The following KLF8 variants were observed in gnomAD, a reference collection of about 807,000 sequenced individuals.
KLF8 encodes the protein KLF transcription factor 8.
A neutral mutation model predicts 18.2 loss-of-function variants in KLF8; 10 were observed. That is an observed-to-expected ratio of 0.55 (90% CI 0.34 to 0.93). KLF8 has a LOEUF of 0.93. Ranked by LOEUF, KLF8 falls within the 40% of genes least tolerant of loss-of-function variation. The pLI, the probability that KLF8 is intolerant of heterozygous loss-of-function variation, is 0.02. For missense variants in KLF8, 264 were observed against 277.9 expected (o/e 0.95, Z 0.36); for synonymous variants, 109 against 97.3 (o/e 1.12, Z -0.71).
the KLF8 span, among the ~76,000 whole-genome samples, chrX:55,922,533 G>A: frequency 8.9e-6 from 1 of 112,179 alleles, no homozygotes; most frequent in Non-Finnish European, 1.9e-5. Flanking sequence ...CTATGTGATG[G>A]GTTGATAGGT....
At chrX:56,022,295 C>T in the KLF8 span, among the ~76,000 whole-genome samples, 12,639 of 109,659 alleles carry the variant, frequency 0.12, 1,304 homozygotes, top group African/African-American at 0.33. Flanking sequence ...GCCTGTAATC[C>T]CAGCACTTTG....
chrX:56,172,144 AG>A, the KLF8 span, among the ~76,000 whole-genome samples: 9 of 110,016 alleles, frequency 8.2e-5, no homozygotes, highest in Admixed American at 9.8e-5. Context: ...TTTAGGGTAC[AG>A]GTGTACAACA....
the KLF8 span, among the ~76,000 whole-genome samples, chrX:56,192,674 T>C: frequency 6.3e-5 from 7 of 111,989 alleles, no homozygotes; most frequent in Non-Finnish European, 1.3e-4. Flanking sequence ...TACAGTGAAG[T>C]CATTTTTGAC....
chrX:55,908,735 C>A, the KLF8 span: 1 of 284,203 alleles, frequency 3.5e-6, no homozygotes, highest in South Asian at 2.4e-4. Context: ...AATCCCGGCC[C>A]CGCCCCGTCG....
the KLF8 span, among the ~76,000 whole-genome samples, chrX:56,061,986 C>CTTTTTTTTTTTTTTTTTTTTTTTTTTT: frequency 9.6e-4 from 55 of 57,111 alleles, 1 homozygote; most frequent in African/African-American, 4.0e-3. Flanking sequence ...GCAACCCCTG[C>CTTTTTTTTTTTTTTTTTTTTTTTTTTT]TTTTTTTTTT....
chrX:56,201,677 G>A, the KLF8 span, among the ~76,000 whole-genome samples: 1 of 111,385 alleles, frequency 9.0e-6, no homozygotes, highest in East Asian at 2.8e-4. Context: ...TATGTCTATG[G>A]ACTTGATGGT....
chrX:56,035,575 C>A, the KLF8 span, among the ~76,000 whole-genome samples: 1 of 112,216 alleles, frequency 8.9e-6, no homozygotes, highest in Non-Finnish European at 1.9e-5. Context: ...AAGTTAAATT[C>A]TTACCAAGAT....
At chrX:56,071,669 C>T in the KLF8 span, among the ~76,000 whole-genome samples, 1 of 111,746 alleles carries the variant, frequency 8.9e-6, no homozygotes, top group African/African-American at 3.2e-5. Flanking sequence ...AGGATCAACA[C>T]TAGAGTTTTA....
the KLF8 span, among the ~76,000 whole-genome samples, chrX:55,955,872 T>A: frequency 8.1e-5 from 9 of 111,645 alleles, no homozygotes; most frequent in South Asian, 3.4e-3. Context: ...ATACAGTGTT[T>A]TTATTTTATT....
chrX:56,138,059 A>C, the KLF8 span, among the ~76,000 whole-genome samples: 514 of 106,459 alleles, frequency 4.8e-3, 3 homozygotes, highest in Middle Eastern at 0.02. Context: ...AAAAAAAAAA[A>C]AAAAAAACCC....
At chrX:56,268,663 CTT>C (rs1180764140) in intron 3 of KLF8, 33 of 769,471 alleles carry the variant, frequency 4.3e-5, no homozygotes, top group Non-Finnish European at 4.8e-5. Flanking sequence ...AGAGACAACT[CTT>C]TTAACCAAAT....
At chrX:56,032,929 T>A in the KLF8 span, among the ~76,000 whole-genome samples, 7 of 112,172 alleles carry the variant, frequency 6.2e-5, no homozygotes, top group Non-Finnish European at 1.3e-4. Context: ...CCAGACTGGC[T>A]TTAAAATTTC....
the KLF8 span, among the ~76,000 whole-genome samples, chrX:56,114,907 C>G: frequency 8.9e-6 from 1 of 112,082 alleles, no homozygotes; most frequent in African/African-American, 3.2e-5. Flanking sequence ...ACTTTTTACT[C>G]ACTACGCTGA....
chrX:56,014,657 A>G, the KLF8 span, among the ~76,000 whole-genome samples: 11 of 111,237 alleles, frequency 9.9e-5, no homozygotes, highest in African/African-American at 2.9e-4. Context: ...AAATTGTTCT[A>G]TTATAAAGAT....
chrX:56,110,220 TTG>T, the KLF8 span, among the ~76,000 whole-genome samples: 4 of 112,219 alleles, frequency 3.6e-5, no homozygotes, highest in South Asian at 7.5e-4. Flanking sequence ...GTCTTTGCTA[TTG>T]TGAGTAGTGC....
the KLF8 span, among the ~76,000 whole-genome samples, chrX:55,938,539 G>A: frequency 3.6e-5 from 4 of 111,405 alleles, no homozygotes; most frequent in African/African-American, 1.3e-4. Context: ...AACCTTAAAT[G>A]TAAATGGGCT....
At chrX:56,079,680 C>T in the KLF8 span, among the ~76,000 whole-genome samples, 1 of 111,320 alleles carries the variant, frequency 9.0e-6, no homozygotes, top group East Asian at 2.8e-4. Context: ...GAGCTGAGTT[C>T]AATTCCTGGG....
the KLF8 span, among the ~76,000 whole-genome samples, chrX:56,084,574 A>G: frequency 8.9e-6 from 1 of 112,195 alleles, no homozygotes; most frequent in Admixed American, 9.5e-5. Context: ...GCTTCAAAGT[A>G]TGGAATCAGA....
At chrX:56,241,806 A>G (rs888759266) in intron 1 of KLF8, among the ~76,000 whole-genome samples, 6 of 112,127 alleles carry the variant, frequency 5.4e-5, no homozygotes, top group African/African-American at 1.9e-4. Flanking sequence ...TGCTTATTGC[A>G]TATAAGATTA....
Sources: allele counts gnomAD v4.1 joint callset (sites outside exome capture counted in the v4.1 genomes callset), GRCh38; gene constraint gnomAD v4.1.1; transcripts MANE v1.5; gene names NCBI Gene and HGNC (gene_info 2026-07-23, HGNC 2026-07-21).